The following CDC42EP5 variants were observed in gnomAD, a reference collection of about 807,000 sequenced individuals.
CDC42EP5 encodes the protein CDC42 effector protein 5.
For missense variants in CDC42EP5, 269 were observed against 238.0 expected (o/e 1.13, Z -0.86); for synonymous variants, 118 against 123.3 (o/e 0.96, Z 0.28).
intron 2 of CDC42EP5, among the ~76,000 whole-genome samples, chr19:54,467,407 C>T (rs971874753): frequency 4.7e-5 from 7 of 150,334 alleles, no homozygotes; most frequent in Non-Finnish European, 7.4e-5. Context: ...GAGCTGAGAT[C>T]GCGCCATTGC....
chr19:54,468,919 CCTT>C (rs1298999175), intron 2 of CDC42EP5, among the ~76,000 whole-genome samples: 2 of 147,626 alleles, frequency 1.4e-5, no homozygotes, highest in Non-Finnish European at 3.0e-5. Flanking sequence ...TTCCTTCCTT[CCTT>C]CTTTCTTTCT....
intron 2 of CDC42EP5, among the ~76,000 whole-genome samples, chr19:54,470,251 A>G (rs2084816333): frequency 6.6e-6 from 1 of 152,074 alleles, no homozygotes; most frequent in South Asian, 2.1e-4. Flanking sequence ...ATGCACCTGC[A>G]GTTCCAGCTA....
chr19:54,468,179 T>C (rs1396154335), intron 2 of CDC42EP5, among the ~76,000 whole-genome samples: 2 of 152,158 alleles, frequency 1.3e-5, no homozygotes, highest in Admixed American at 6.6e-5. Context: ...CTAACAATAA[T>C]TGTGGAACAA....
At chr19:54,470,939 C>A (rs900081346) in intron 2 of CDC42EP5, among the ~76,000 whole-genome samples, 1 of 152,214 alleles carries the variant, frequency 6.6e-6, no homozygotes, top group Admixed American at 6.5e-5. Flanking sequence ...ACCAGAACAA[C>A]GAGTTGGAAG....
In CDC42EP5 at chr19:54,470,898, C is replaced by T. The variant is rs148859990; in HGVS notation, c.-1+647G>A. 2.0e-5 allele frequency among the ~76,000 whole-genome samples: 3 copies of T among 152,206 alleles called. No homozygotes were observed. In the East Asian group the frequency reaches 5.8e-4, roughly 29 times the overall value. On this transcript the variant is annotated intron_variant, in intron 2 of 2. Transcript: ENST00000301200. ...GAAGGCGAGAGATTTCCTCTGACACCCTTGATTGTCTTTTTTCCTCTCCAG... is the reference window on the plus strand; with the variant it reads ...GAAGGCGAGAGATTTCCTCTGACACTCTTGATTGTCTTTTTTCCTCTCCAG...
chr19:54,466,341 G>T (rs1421063207), intron 2 of CDC42EP5, among the ~76,000 whole-genome samples: 2 of 152,188 alleles, frequency 1.3e-5, no homozygotes, highest in African/African-American at 2.4e-5. Context: ...TAAAGTAGGA[G>T]AATCGCTTGA....
intron 2 of CDC42EP5, among the ~76,000 whole-genome samples, chr19:54,469,223 T>C (rs1269826196): frequency 6.6e-6 from 1 of 151,778 alleles, no homozygotes; most frequent in African/African-American, 2.4e-5. Context: ...CTCGAACTCC[T>C]GATCTCGTGA....
At chr19:54,467,392 G>C (rs1006294699) in intron 2 of CDC42EP5, among the ~76,000 whole-genome samples, 6 of 150,814 alleles carry the variant, frequency 4.0e-5, no homozygotes, top group African/African-American at 1.5e-4. Context: ...GGCAGAGGTT[G>C]TGGTGAGCTG....
intron 2 of CDC42EP5, among the ~76,000 whole-genome samples, chr19:54,469,670 T>C (rs534148804): frequency 3.7e-4 from 57 of 152,346 alleles, no homozygotes; most frequent in African/African-American, 1.4e-3. Flanking sequence ...GAATGTTCAA[T>C]TAACATATGC....
intron 2 of CDC42EP5, among the ~76,000 whole-genome samples, chr19:54,466,692 T>A (rs1220267805): frequency 6.7e-6 from 1 of 149,218 alleles, no homozygotes; most frequent in Non-Finnish European, 1.5e-5. Context: ...GGGGAAAAAA[T>A]ACAGTAATAA....
chr19:54,468,452 C>T (rs1414263767), intron 2 of CDC42EP5, among the ~76,000 whole-genome samples: 1 of 152,060 alleles, frequency 6.6e-6, no homozygotes, highest in Non-Finnish European at 1.5e-5. Context: ...TTTCTCTGAC[C>T]TCAACCTAGA....
At position 54,468,920 on chromosome 19, in the gene CDC42EP5, C is replaced by CTTCCTTCCTTCTTTCTTTCTTTCTTTCT. The variant is rs753994637; in HGVS notation, c.-1+2624_-1+2625insAGAAAGAAAGAAAGAAAGAAGGAAGGAA. On this transcript the variant is annotated intron_variant, in intron 2 of 2. Coordinates refer to ENST00000301200, the MANE Select transcript of CDC42EP5 (RefSeq NM_145057.4). ...CCTTCCTTCCTTCCTTCCTTCCTTC[C>CTTCCTTCCTTCTTTCTTTCTTTCTTTCT]TTCTTTCTTTCTTTTCTTCCCTCCC... Among the ~76,000 whole-genome samples the CTTCCTTCCTTCTTTCTTTCTTTCTTTCT allele has an allele frequency of 2.9e-4, 36 of 123,992 alleles. No individual in the cohort carries two copies. In the East Asian group the frequency reaches 9.5e-3, roughly 33 times the overall value. The allele number at this position is 123,992 out of a possible 152,430, so 81.3% of individuals were successfully genotyped here. A position where few individuals can be genotyped will look rare whatever the true frequency, so the allele number is the denominator to read the frequency against.
chr19:54,466,933 C>CTT (rs57592448), intron 2 of CDC42EP5, among the ~76,000 whole-genome samples: 6,219 of 131,096 alleles, frequency 0.047, 214 homozygotes, highest in Admixed American at 0.095. Flanking sequence ...TGTACCTGAT[C>CTT]TTTTTTTTTT....
In CDC42EP5 at chr19:54,465,409, A is replaced by T; in HGVS notation, c.139T>A (p.Ser47Thr). 2.2e-6 allele frequency: 3 copies of T among 1,393,408 alleles called. No homozygotes were observed. The highest frequency in any genetic ancestry group is 2.8e-6 in the Non-Finnish European group (3 of 1,071,084). 86.3% of individuals were successfully genotyped at this position (1,393,408 alleles called of 1,614,324 possible). A position where few individuals can be genotyped will look rare whatever the true frequency, so the allele number is the denominator to read the frequency against. Reference sequence around the variant, plus strand: ...CCGCCGCCGTGGCGGCTCAGGAACGAGGTGTCCCCGAAGGCGTCGCCGCCG... The same window carrying T: ...CCGCCGCCGTGGCGGCTCAGGAACGTGGTGTCCCCGAAGGCGTCGCCGCCG... ...GRGGDAFGDT[S>T]FLSRHGGGPP... Residue 47 changes from serine (S) to threonine (T), a missense_variant, in exon 3 of 3, where the codon TCG (serine) becomes ACG (threonine). By Grantham distance (58) the Ser-to-Thr change is moderately conservative. Transcript: ENST00000301200.
chr19:54,468,117 T>G (rs2084780165), intron 2 of CDC42EP5, among the ~76,000 whole-genome samples: 2 of 152,304 alleles, frequency 1.3e-5, no homozygotes, highest in South Asian at 4.1e-4. Flanking sequence ...AAACTATACT[T>G]GTAATAGTGC....
At chr19:54,468,920 C>CTTCCTTCCTTCCTTCTTTCTTTATTTCT (rs753994637) in intron 2 of CDC42EP5, among the ~76,000 whole-genome samples, 1 of 123,904 alleles carries the variant, frequency 8.1e-6, no homozygotes, top group Non-Finnish European at 1.7e-5. Flanking sequence ...TCCTTCCTTC[C>CTTCCTTCCTTCCTTCTTTCTTTATTTCT]TTCTTTCTTT....
At chr19:54,466,329 G>A (rs1006476853) in intron 2 of CDC42EP5, among the ~76,000 whole-genome samples, 2 of 152,180 alleles carry the variant, frequency 1.3e-5, no homozygotes, top group Non-Finnish European at 2.9e-5. Flanking sequence ...TGTAATCCCA[G>A]CTAAAGTAGG....
chr19:54,468,026 C>T (rs1333616826), intron 2 of CDC42EP5, among the ~76,000 whole-genome samples: 1 of 152,294 alleles, frequency 6.6e-6, no homozygotes, highest in South Asian at 2.1e-4. Context: ...TACTTTATTT[C>T]CCTGTTTACT....
chr19:54,468,932 T>TTTCTTTCTTTCTTTCA (rs1476209524), intron 2 of CDC42EP5, among the ~76,000 whole-genome samples: 1 of 43,198 alleles, frequency 2.3e-5, no homozygotes, highest in Non-Finnish European at 4.8e-5. Flanking sequence ...TCTTTCTTTC[T>TTTCTTTCTTTCTTTCA]TTTCTTCCCT....
Sources: allele counts gnomAD v4.1 joint callset (sites outside exome capture counted in the v4.1 genomes callset), GRCh38; gene constraint gnomAD v4.1.1; transcripts MANE v1.5; gene names NCBI Gene and HGNC (gene_info 2026-07-23, HGNC 2026-07-21).